ZC3H3: variants seen among roughly 807,000 people sequenced by gnomAD.
ZC3H3 encodes the protein zinc finger CCCH-type containing 3.
ZC3H3 carries 36 observed loss-of-function variants against 77.3 expected under a neutral mutation model. The ratio of observed to expected loss-of-function variants is 0.47; its 90% CI spans 0.36 to 0.61. ZC3H3 has a LOEUF of 0.61. Ranked by LOEUF, ZC3H3 falls within the 20% of genes least tolerant of loss-of-function variation. The probability of loss-of-function intolerance (pLI) is 0.00; values close to 1 mark genes in which losing one functional copy is unlikely to be tolerated. For missense variants in ZC3H3, 1,331 were observed against 1,312.2 expected (o/e 1.01, Z -0.22); for synonymous variants, 626 against 555.2 (o/e 1.13, Z -1.79).
intron 4 of ZC3H3, among the ~76,000 whole-genome samples, chr8:143,492,161 A>G (rs1441250251): frequency 6.6e-6 from 1 of 152,222 alleles, no homozygotes; most frequent in African/African-American, 2.4e-5. Context: ...CCTAAGAGGC[A>G]CAGAGATGCA....
intron 3 of ZC3H3, among the ~76,000 whole-genome samples, chr8:143,512,128 A>C (rs754077094): frequency 2.0e-5 from 3 of 152,180 alleles, no homozygotes; most frequent in Non-Finnish European, 4.4e-5. Context: ...GGCAGCCCAG[A>C]CCCTGCATGC....
At chr8:143,442,407 G>GC (rs1563831459) in intron 9 of ZC3H3, among the ~76,000 whole-genome samples, 1 of 119,976 alleles carries the variant, frequency 8.3e-6, no homozygotes, top group East Asian at 2.8e-4. Context: ...GGCCGGGGGG[G>GC]GTGGGGGGGC....
intron 4 of ZC3H3, among the ~76,000 whole-genome samples, chr8:143,476,381 G>A (rs1282696463): frequency 6.6e-6 from 1 of 152,178 alleles, no homozygotes; most frequent in Admixed American, 6.5e-5. Context: ...ACCCTGGCTA[G>A]AGGAAGAGAC....
chr8:143,480,415 G>A (rs1472661626), intron 4 of ZC3H3, among the ~76,000 whole-genome samples: 1 of 152,224 alleles, frequency 6.6e-6, no homozygotes, highest in Non-Finnish European at 1.5e-5. Context: ...ACTGCCCGTG[G>A]CAGGTCAGAG....
intron 3 of ZC3H3, among the ~76,000 whole-genome samples, chr8:143,512,027 G>A (rs975217106): frequency 6.6e-6 from 1 of 152,258 alleles, no homozygotes; most frequent in Non-Finnish European, 1.5e-5. Flanking sequence ...ATGTTGACTT[G>A]CCTGACAGAC....
rs140770907 is a variant in ZC3H3, at chr8:143,513,019, CG to C, written c.1562-5121del. On this transcript the variant is annotated intron_variant, in intron 3 of 11. Transcript: ENST00000262577. ...CCAGAGGAGTCGGGGCTGCAAGAGGCGGGGACAGCCTGGGCAGGGGGTGCCC... is the reference window on the plus strand; with the variant it reads ...CCAGAGGAGTCGGGGCTGCAAGAGGCGGGACAGCCTGGGCAGGGGGTGCCC... Among the ~76,000 whole-genome samples, 5 of 146,270 alleles carry C rather than the reference CG, an allele frequency of 3.4e-5. No individual in the cohort carries two copies. In the East Asian group the frequency reaches 1.0e-3, roughly 30 times the overall value.
chr8:143,443,383 CATGAA>C (rs1819796260), intron 9 of ZC3H3, among the ~76,000 whole-genome samples: 1 of 150,980 alleles, frequency 6.6e-6, no homozygotes, highest in Admixed American at 6.6e-5. Context: ...ACACACTGGA[CATGAA>C]ATGAATCTTA....
intron 3 of ZC3H3, among the ~76,000 whole-genome samples, chr8:143,510,983 G>A (rs1039085070): frequency 3.3e-5 from 5 of 152,286 alleles, no homozygotes; most frequent in Middle Eastern, 3.4e-3. Context: ...ATGACTAATC[G>A]ATCTCATTAG....
rs542230027 is a variant in ZC3H3, at chr8:143,478,712, A to G, written c.1716-3127T>C. Among the ~76,000 whole-genome samples, 27 of 152,242 alleles carry G rather than the reference A, an allele frequency of 1.8e-4. 1 individual carries two copies. Among genetic ancestry groups the G allele is most frequent in the South Asian group, 6.2e-4 (3 of 4,828 alleles). The stretch of plus-strand genomic sequence containing the variant: ...TTTGGTAGAGATGGTGTTTCACCCC[A>G]TTGGCCAAGCTGGTCTCGAACTCCT... On this transcript the variant is annotated intron_variant, in intron 4 of 11. Transcript: ENST00000262577.
chr8:143,539,263 G>T lies in ZC3H3; in HGVS notation c.104C>A (p.Ala35Glu). 1 of 1,612,800 alleles carries T rather than the reference G, an allele frequency of 6.2e-7. No homozygotes were observed. Among genetic ancestry groups the T allele is most frequent in the Non-Finnish European group, 8.5e-7 (1 of 1,179,990 alleles). ...AGTGGGTGGCTGCCACCCAGAAGCT[G>T]CTGGGGTACCAGGGGCCGGGGCATT... ...HGNAPAPGTP[A>E]ASGWQPPTYH... The change falls in exon 2 of 12, where the codon GCA becomes GAA. Residue 35 changes from alanine (A) to glutamate (E), a missense_variant. By Grantham distance (107) the Ala-to-Glu change is moderately radical. Transcript: ENST00000262577.
intron 5 of ZC3H3, 118 bp downstream of exon 5, chr8:143,475,280 G>A (rs1563848419): frequency 6.2e-6 from 8 of 1,280,460 alleles, no homozygotes; most frequent in South Asian, 3.1e-5. Context: ...AGACAGGGGC[G>A]TGAGCCAAGG....
intron 1 of ZC3H3, 79 bp from the exon 2 acceptor site, chr8:143,539,399 G>A: frequency 2.2e-6 from 3 of 1,363,594 alleles, no homozygotes; most frequent in Non-Finnish European, 3.0e-6. Flanking sequence ...GGCATCAGCT[G>A]GCAAGATACC....
In ZC3H3 at chr8:143,529,363, C is replaced by A. The variant is rs770049312; in HGVS notation, c.1561+6894G>T. 5.8e-4 allele frequency among the ~76,000 whole-genome samples: 88 copies of A among 152,332 alleles called. 1 individual carries two copies. The highest frequency in any genetic ancestry group is 3.4e-3 in the Middle Eastern group (1 of 294). On this transcript the variant is annotated intron_variant, in intron 3 of 11. Coordinates refer to ENST00000262577, the MANE Select transcript of ZC3H3 (RefSeq NM_015117.3). ...AAACAGTGCAAAGCCACAGCACGGG[C>A]TGGGTGCAGAATCCACCCAGGCCTC...
At chr8:143,534,090 C>T (rs930154255) in intron 3 of ZC3H3, among the ~76,000 whole-genome samples, 3 of 151,908 alleles carry the variant, frequency 2.0e-5, no homozygotes, top group African/African-American at 7.3e-5. Flanking sequence ...TCAAGACCAG[C>T]CTAGGCAACA....
chr8:143,539,409 C>T (rs879796422), intron 1 of ZC3H3, 89 bp from the exon 2 acceptor site: 2 of 1,287,500 alleles, frequency 1.6e-6, no homozygotes, highest in Admixed American at 5.2e-5. Context: ...GGCAAGATAC[C>T]CCCAGATCCC....
rs1039395539 is a variant in ZC3H3, at chr8:143,511,473, T to A, written c.1562-3574A>T. Among the ~76,000 whole-genome samples, 2 of 152,242 alleles carry A rather than the reference T, an allele frequency of 1.3e-5. 1 individual carries two copies. The highest frequency in any genetic ancestry group is 1.3e-4 in the Admixed American group (2 of 15,290). Reference sequence around the variant, plus strand: ...TGGTTAATGAATAAGAAGATGAAACTAGAATTACTACTCTGTGCAAAGAAC... The same window carrying A: ...TGGTTAATGAATAAGAAGATGAAACAAGAATTACTACTCTGTGCAAAGAAC... On this transcript the variant is annotated intron_variant, in intron 3 of 11. Coordinates refer to ENST00000262577, the MANE Select transcript of ZC3H3 (RefSeq NM_015117.3).
At chr8:143,451,799 G>T (rs1029547462) in intron 9 of ZC3H3, among the ~76,000 whole-genome samples, 1 of 144,468 alleles carries the variant, frequency 6.9e-6, no homozygotes, top group African/African-American at 2.6e-5. Flanking sequence ...AAAAAAAAAA[G>T]AAAAGAAAAG....
intron 4 of ZC3H3, among the ~76,000 whole-genome samples, chr8:143,504,502 C>A (rs1175500267): frequency 2.6e-5 from 4 of 152,126 alleles, no homozygotes; most frequent in Admixed American, 2.6e-4. Flanking sequence ...GAGGTCCTGC[C>A]CCCTCCTCCG....
At chr8:143,486,463 T>G (rs1821056518) in intron 4 of ZC3H3, among the ~76,000 whole-genome samples, 2 of 152,226 alleles carry the variant, frequency 1.3e-5, no homozygotes, top group Non-Finnish European at 2.9e-5. Flanking sequence ...TTTATTCTTG[T>G]AAGGACATTA....
Sources: allele counts gnomAD v4.1 joint callset (sites outside exome capture counted in the v4.1 genomes callset), GRCh38; gene constraint gnomAD v4.1.1; transcripts MANE v1.5; gene names NCBI Gene and HGNC (gene_info 2026-07-23, HGNC 2026-07-21).